The following CHRNA2 variants were observed in gnomAD, a reference collection of about 807,000 sequenced individuals.
CHRNA2 encodes cholinergic receptor nicotinic alpha 2 subunit, also known as neuronal acetylcholine receptor subunit alpha-2.
CHRNA2 carries 40 observed loss-of-function variants against 45.5 expected under a neutral mutation model. That is an observed-to-expected ratio of 0.88 (90% CI 0.68 to 1.15). CHRNA2 has a LOEUF of 1.15. Among genes scored for constraint, CHRNA2 ranks in the 50% most tolerant of loss-of-function variants. The pLI, the probability that CHRNA2 is intolerant of heterozygous loss-of-function variation, is 0.00. For missense variants in CHRNA2, 655 were observed against 701.7 expected (o/e 0.93, Z 0.75); for synonymous variants, 301 against 296.7 (o/e 1.01, Z -0.15).
At position 27,477,489 on chromosome 8, in the gene CHRNA2, A is replaced by G. The variant is rs138109947; in HGVS notation, c.-137+1335T>C. On this transcript the variant is annotated intron_variant, in intron 1 of 6. Transcript: ENST00000407991. The stretch of plus-strand genomic sequence containing the variant: ...TTGCATCATTTAGAGATCCAAGGAG[A>G]GCCACCCGGGAACCCCCAGAAGAAT... Among the ~76,000 whole-genome samples the G allele has an allele frequency of 4.4e-4, 67 of 152,216 alleles. 2 individuals are homozygous for G. In the South Asian group the frequency reaches 1.0e-2, roughly 23 times the overall value.
intron 1 of CHRNA2, among the ~76,000 whole-genome samples, chr8:27,477,731 G>A (rs1210590242): frequency 2.0e-5 from 3 of 152,194 alleles, no homozygotes; most frequent in Non-Finnish European, 4.4e-5. Flanking sequence ...GACCCTCTAA[G>A]TGGCTGGATT....
At position 27,463,746 on chromosome 8, in the gene CHRNA2, T is replaced by G. The variant is rs780491416; in HGVS notation, c.697A>C (p.Ile233Leu). 1.5e-5 allele frequency: 24 copies of G among 1,613,874 alleles called. No individual in the cohort carries two copies. Among genetic ancestry groups the G allele is most frequent in the Middle Eastern group, 1.6e-4 (1 of 6,082 alleles). Residue 233 changes from isoleucine to leucine, a missense_variant, in exon 6 of 7, where the codon ATC becomes CTC. This residue lies in a region of CHRNA2 where 323 missense variants were observed against 354.4 expected (regional missense o/e 0.91). Transcript: ENST00000407991. The surrounding 1 kb of genome is among the most constrained non-coding windows in gnomAD (Gnocchi z 6.1). ...KDYWESGEWA[I>L]VNATGTYNSK... ...TTGTAGGTGCCCGTGGCATTGACGATGGCCCACTCGCCGCTCTCCCAGTAG... is the reference window on the plus strand; with the variant it reads ...TTGTAGGTGCCCGTGGCATTGACGAGGGCCCACTCGCCGCTCTCCCAGTAG...
At chr8:27,475,178 A>G (rs1340690305) in intron 1 of CHRNA2, 3 of 152,210 alleles carry the variant, frequency 2.0e-5, no homozygotes, top group Non-Finnish European at 2.9e-5. Flanking sequence ...GTGTTTTACA[A>G]GCCCTCCCCT....
In CHRNA2 at chr8:27,469,894, G is replaced by T. The variant is rs761493925; in HGVS notation, c.161C>A (p.Ser54Ter). 6.2e-7 allele frequency: 1 copy of T among 1,614,042 alleles called. No homozygotes were observed. The highest frequency in any genetic ancestry group is 8.5e-7 in the Non-Finnish European group (1 of 1,180,034). ...GAGCCGGTCCTCAGTCTCGGTATGC[G>T]AGCCTCCCTGCGGCAATGCCGTGGG... The part of the protein sequence containing the change: ...PSPTALPQGG[S>*]HTETEDRLFK... Residue 54 changes from serine (S) to a stop codon, truncating the protein, a stop_gained, in exon 3 of 7, where the codon TCG (serine) becomes TAG (stop). Coordinates refer to ENST00000407991, the MANE Select transcript of CHRNA2 (RefSeq NM_000742.4). LOFTEE classifies it high-confidence loss of function.
rs1437958385 is a variant in CHRNA2 at position 27,466,227 on chromosome 8, G to T, written c.449+1002C>A. On this transcript the variant is annotated intron_variant, in intron 5 of 6. Transcript: ENST00000407991. ...CAAGGGCGTAGTTCTGACCAGAACT[G>T]GACGGTGTAAAAAAAAAAATCTGAC... Among the ~76,000 whole-genome samples the T allele has an allele frequency of 2.0e-5, 3 of 151,740 alleles. No homozygotes were observed. The East Asian group carries it at 5.8e-4, about 29-fold the overall frequency.
intron 1 of CHRNA2, among the ~76,000 whole-genome samples, chr8:27,473,688 A>G (rs772675814): frequency 3.9e-5 from 6 of 152,158 alleles, no homozygotes; most frequent in Non-Finnish European, 8.8e-5. Flanking sequence ...AGCCTGGACA[A>G]CAAGCAAGAT....
In CHRNA2 at chr8:27,466,912, T is replaced by C. The variant is rs3824103; in HGVS notation, c.449+317A>G. On this transcript the variant is annotated intron_variant, in intron 5 of 6. Transcript: ENST00000407991. ...AACAACACTGCCACCCCTCACAACT[T>C]CAACCCCAAGGTATTGTTTTTTGAG... is the stretch of plus-strand genomic sequence containing the variant. Among the ~76,000 whole-genome samples the C allele has an allele frequency of 0.22, 33,570 of 152,132 alleles. 8,507 individuals are homozygous for C. Among genetic ancestry groups the C allele is most frequent in the African/African-American group, 0.6 (24,918 of 41,454 alleles).
chr8:27,467,727 G>A (rs980059772), intron 4 of CHRNA2, among the ~76,000 whole-genome samples: 2 of 152,140 alleles, frequency 1.3e-5, no homozygotes, highest in African/African-American at 2.4e-5. Flanking sequence ...AAGCCTCCAC[G>A]GGAGAGCCAA....
chr8:27,461,813 C>T, intron 6 of CHRNA2, 59 bp from the exon 7 acceptor site: 1 of 1,612,070 alleles, frequency 6.2e-7, no homozygotes, highest in Non-Finnish European at 8.5e-7. Flanking sequence ...ATGTGTTCCC[C>T]CCATTCACAG....
intron 1 of CHRNA2, chr8:27,477,285 C>T (rs1033433673): frequency 1.3e-5 from 2 of 152,210 alleles, no homozygotes; most frequent in African/African-American, 4.8e-5. Context: ...CTAGGCCCAC[C>T]TGGATCCCAG....
rs781333878 is a variant in CHRNA2 at position 27,462,972 on chromosome 8, A to C, written c.1464+7T>G. 2.1e-5 allele frequency: 34 copies of C among 1,613,814 alleles called. No individual in the cohort carries two copies. The highest frequency in any genetic ancestry group is 2.5e-5 in the Non-Finnish European group (29 of 1,180,004). On this transcript the variant is annotated splice_region_variant and intron_variant, in intron 6 of 6. Transcript: ENST00000407991. ...CCAGGCTGGCGCCTCTCCCAACCCC[A>C]ACGCACCGAAGAGTCAGCATCCTCA...
Position 27,469,915 on chromosome 8 carries a change from G to A in CHRNA2, c.140C>T (p.Thr47Met), listed in dbSNP as rs74772771. 826 of 1,614,166 alleles carry A rather than the reference G, an allele frequency of 5.1e-4. 1 individual carries two copies. Among genetic ancestry groups the A allele is most frequent in the Non-Finnish European group, 6.6e-4 (775 of 1,180,040 alleles). The change falls in exon 3 of 7, where the codon ACG becomes ATG. Residue 47 changes from threonine to methionine, a missense_variant. By Grantham distance (81) the Thr-to-Met change is moderately conservative. Coordinates refer to ENST00000407991, the MANE Select transcript of CHRNA2 (RefSeq NM_000742.4). ...PGDPLSSPSP[T>M]ALPQGGSHTE... is the part of the protein sequence containing the mutation. ...ATGCGAGCCTCCCTGCGGCAATGCC[G>A]TGGGACTGGGAGAGGAGAGTGGGTC...
Position 27,461,632 on chromosome 8 carries a change from G to T in CHRNA2, c.1587C>A (p.Ile529=). ...LFLPPFLAGM[I] The stretch of plus-strand genomic sequence containing the variant: ...AGCCAGCTCGAGGGAGGTGCAGTCA[G>T]ATCATTCCAGCTAGGAACGGAGGCA... Residue 529 remains isoleucine, a synonymous_variant, in exon 7 of 7, where the codon ATC becomes ATA. Coordinates refer to ENST00000407991, the MANE Select transcript of CHRNA2 (RefSeq NM_000742.4). 6.2e-7 allele frequency: 1 copy of T among 1,614,246 alleles called. No individual in the cohort carries two copies.
Position 27,469,808 on chromosome 8 carries a change from C to T in CHRNA2, c.247G>A (p.Val83Met), listed in dbSNP as rs757700781. ...GACAGTCCAAAGCGCACAATCACCA[C>T]GTCTGAAGTGTTGGGCACCGGGCGC... ...WARPVPNTSD[V>M]VIVRFGLSIA... Residue 83 changes from valine (V) to methionine (M), a missense_variant, in exon 3 of 7, where the codon GTG becomes ATG. Physicochemically the swap from Val to Met is conservative, Grantham distance 21. Around this residue, in one of 3 missense-constraint regions of CHRNA2, gnomAD observed 323 missense variants for 354.4 expected, o/e 0.91. Coordinates refer to ENST00000407991, the MANE Select transcript of CHRNA2 (RefSeq NM_000742.4). 11 of 1,614,204 alleles carry T rather than the reference C, an allele frequency of 6.8e-6. No homozygotes were observed. Among genetic ancestry groups the T allele is most frequent in the Admixed American group, 5.0e-5 (3 of 60,032 alleles).
intron 1 of CHRNA2, among the ~76,000 whole-genome samples, chr8:27,472,451 A>G (rs993214410): frequency 1.3e-5 from 2 of 152,200 alleles, no homozygotes; most frequent in East Asian, 1.9e-4. Context: ...CAGAATTGAC[A>G]GCTTGCTTGC....
In CHRNA2 at chr8:27,471,113, T is replaced by C; in HGVS notation, c.-55A>G. 1.3e-6 allele frequency: 2 copies of C among 1,512,214 alleles called. No homozygotes were observed. Among genetic ancestry groups the C allele is most frequent in the Non-Finnish European group, 1.8e-6 (2 of 1,088,866 alleles). 93.7% of individuals were successfully genotyped at this position (1,512,214 alleles called of 1,614,324 possible). A position where few individuals can be genotyped will look rare whatever the true frequency, so the allele number is the denominator to read the frequency against. On this transcript the variant is annotated 5_prime_UTR_variant, in exon 2 of 7. It removes an upstream start codon present in the reference 5' UTR. Transcript: ENST00000407991. The stretch of plus-strand genomic sequence containing the variant: ...CAGGGCTTTGCTGTGGGTTGCACCA[T>C]GGACCATGTCCCCAGCAGAGCTGCT...
rs78426134 is a variant in CHRNA2 at position 27,479,135 on chromosome 8, C to T, written c.-448G>A. On this transcript the variant is annotated 5_prime_UTR_variant, in exon 1 of 7. Transcript: ENST00000407991. Reference sequence around the variant, plus strand: ...GGCTTCATGCAGGTGCCACTGAGGACAGCCCAGGCAGCCCAGCACAAGCGA... The same window carrying T: ...GGCTTCATGCAGGTGCCACTGAGGATAGCCCAGGCAGCCCAGCACAAGCGA... The T allele has an allele frequency of 0.025, 3,880 of 152,460 alleles. 172 individuals carry two copies. Among genetic ancestry groups the T allele is most frequent in the African/African-American group, 0.086 (3,574 of 41,510 alleles). 9.4% of individuals were successfully genotyped at this position (152,460 alleles called of 1,614,324 possible).
At chr8:27,473,803 TC>T (rs1022301573) in intron 1 of CHRNA2, among the ~76,000 whole-genome samples, 13 of 152,004 alleles carry the variant, frequency 8.6e-5, no homozygotes, top group Middle Eastern at 3.4e-3. Flanking sequence ...GTCATTCTCA[TC>T]CCCCCCGTCC....
At chr8:27,470,071 C>G in intron 2 of CHRNA2, 90 bp from the exon 3 acceptor site, 1 of 1,230,948 alleles carries the variant, frequency 8.1e-7, no homozygotes, top group Non-Finnish European at 1.2e-6. Context: ...TATCTCAAAA[C>G]ATTGTTGAAG....
Sources: gnomAD v4.1 joint callset for allele counts (sites outside exome capture counted in the v4.1 genomes callset) on GRCh38, gnomAD v4.1.1 for gene constraint, gnomAD v4.1.1 regional missense constraint, Gnocchi (gnomAD v3.1) non-coding constraint, MANE v1.5 for transcripts, NCBI Gene and HGNC (gene_info 2026-07-23, HGNC 2026-07-21) for gene names.